The following ARHGEF18 variants were observed in gnomAD, a reference collection of about 807,000 sequenced individuals.
The protein encoded by ARHGEF18 is Rho/Rac guanine nucleotide exchange factor 18, also known as rho guanine nucleotide exchange factor 18.
A neutral mutation model predicts 155.7 loss-of-function variants in ARHGEF18; 93 were observed. The ratio of observed to expected loss-of-function variants is 0.60; its 90% CI spans 0.50 to 0.71. The LOEUF is 0.71. Ranked by LOEUF, ARHGEF18 falls within the 30% of genes least tolerant of loss-of-function variation. The probability of loss-of-function intolerance (pLI) is 0.00; values close to 1 mark genes in which losing one functional copy is unlikely to be tolerated. For synonymous variants in ARHGEF18, 742 were observed against 753.1 expected (o/e 0.99, Z 0.24); for missense variants, 1,593 against 1,816.1 (o/e 0.88, Z 2.23).
At chr19:7,400,841 A>C (rs1389302840) in intron 10 of ARHGEF18, among the ~76,000 whole-genome samples, 5 of 152,040 alleles carry the variant, frequency 3.3e-5, no homozygotes, top group Non-Finnish European at 5.9e-5. Flanking sequence ...TCTCTAAATA[A>C]ATAAATATTT....
At chr19:7,473,017 G>A (rs1361314800), downstream of ARHGEF18, 1 of 456,248 alleles carries the variant, frequency 2.2e-6, no homozygotes, top group South Asian at 1.5e-5. Context: ...TGCCTGTGGA[G>A]GGTCCTGCCC....
chr19:7,440,445 C>T lies in ARHGEF18; in HGVS notation c.1069C>T (p.Pro357Ser). The change falls in exon 11 of 29, where the codon CCA becomes TCA. Residue 357 changes from proline to serine, a missense_variant. Pro to Ser is a moderately conservative substitution (Grantham distance 74). Coordinates refer to ENST00000668164, the MANE Select transcript of ARHGEF18 (RefSeq NM_001367823.1). This position sits in a 1 kb window ranked among gnomAD's most constrained non-coding sequence, Gnocchi z 5.4. ...GGTCTCTCAGAAAGGGGGTCCCCAG[C>T]CAACACCGAGCCCGGCTGGCCCTGG... Reference protein sequence around the residue: ...MTVSQKGGPQPTPSPAGPGTQ... With the variant: ...MTVSQKGGPQSTPSPAGPGTQ... 1 of 1,600,962 alleles carries T rather than the reference C, an allele frequency of 6.2e-7. No individual in the cohort carries two copies. Among genetic ancestry groups the T allele is most frequent in the East Asian group, 2.2e-5 (1 of 44,872 alleles).
chr19:7,452,887 C>G (rs1184839670), intron 16 of ARHGEF18, among the ~76,000 whole-genome samples: 1 of 151,878 alleles, frequency 6.6e-6, no homozygotes, highest in African/African-American at 2.4e-5. Flanking sequence ...TCGATAGATG[C>G]TCTACCTAGG....
intron 1 of ARHGEF18, among the ~76,000 whole-genome samples, chr19:7,362,087 A>C (rs1466430837): frequency 6.2e-5 from 1 of 16,226 alleles, no homozygotes; most frequent in Non-Finnish European, 1.1e-4. Flanking sequence ...GAGAAGGAGA[A>C]GGAGAAGGAG....
At chr19:7,450,866 C>A (rs1441721311) in intron 15 of ARHGEF18, among the ~76,000 whole-genome samples, 293 of 135,898 alleles carry the variant, frequency 2.2e-3, no homozygotes, top group South Asian at 5.6e-3. Context: ...GTCTTGCTGT[C>A]CGTTTCCGAG....
At chr19:7,417,130 G>A (rs1435034706) in intron 10 of ARHGEF18, among the ~76,000 whole-genome samples, 1 of 151,960 alleles carries the variant, frequency 6.6e-6, no homozygotes, top group East Asian at 1.9e-4. Context: ...GGCTGGTCTC[G>A]AACTCCTGAC....
intron 10 of ARHGEF18, among the ~76,000 whole-genome samples, chr19:7,436,725 G>A (rs1286754185): frequency 2.0e-5 from 3 of 152,248 alleles, no homozygotes; most frequent in East Asian, 1.9e-4. Flanking sequence ...CGGGATTTGC[G>A]CCATATTTGT....
chr19:7,370,744 A>C (rs1970165716), intron 2 of ARHGEF18, among the ~76,000 whole-genome samples: 1 of 152,144 alleles, frequency 6.6e-6, no homozygotes, highest in South Asian at 2.1e-4. Flanking sequence ...ATTCAACCTT[A>C]AAAAGGAAGG....
intron 10 of ARHGEF18, among the ~76,000 whole-genome samples, chr19:7,415,028 A>G (rs944759326): frequency 6.6e-6 from 1 of 152,116 alleles, no homozygotes; most frequent in Non-Finnish European, 1.5e-5. Flanking sequence ...ATAAAATAAT[A>G]CTAGTTTGAG....
chr19:7,413,607 T>A (rs1197322805), intron 10 of ARHGEF18, among the ~76,000 whole-genome samples: 1 of 148,270 alleles, frequency 6.7e-6, no homozygotes, highest in Non-Finnish European at 1.5e-5. Context: ...GGCAAAAAAA[T>A]CTTTTTTAAT....
intron 10 of ARHGEF18, chr19:7,439,613 T>G: frequency 2.0e-6 from 2 of 1,005,628 alleles, no homozygotes; most frequent in South Asian, 3.8e-5. Context: ...ATAATCACCA[T>G]ATGGAACAGA....
intron 13 of ARHGEF18, among the ~76,000 whole-genome samples, chr19:7,443,095 C>G (rs1391356895): frequency 1.4e-5 from 2 of 139,658 alleles, no homozygotes; most frequent in Non-Finnish European, 3.0e-5. Flanking sequence ...TGGAGTCTCG[C>G]TCTGTCGCCC....
At chr19:7,364,620 G>T (rs1163899013) in intron 2 of ARHGEF18, among the ~76,000 whole-genome samples, 1 of 152,174 alleles carries the variant, frequency 6.6e-6, no homozygotes, top group Non-Finnish European at 1.5e-5. Flanking sequence ...GAAAGCTTGT[G>T]GTCCCTGGGT....
At chr19:7,364,402 A>AAGGAAGGAAGGAAGGCAGGAAGGC (rs36151895) in intron 2 of ARHGEF18, among the ~76,000 whole-genome samples, 1 of 129,648 alleles carries the variant, frequency 7.7e-6, no homozygotes, top group Non-Finnish European at 1.7e-5. Context: ...GGAAGGAAGG[A>AAGGAAGGAAGGAAGGCAGGAAGGC]AGGCAGGCTG....
At chr19:7,352,850 T>TTTTTA (rs1969192990) in intron 1 of ARHGEF18, among the ~76,000 whole-genome samples, 1 of 128,914 alleles carries the variant, frequency 7.8e-6, no homozygotes, top group Non-Finnish European at 1.6e-5. Context: ...TTTTTTTTTT[T>TTTTTA]TTTTGACATA....
chr19:7,441,937 T>A lies in ARHGEF18; in HGVS notation c.1245T>A (p.Ser415Arg). 1 of 1,613,250 alleles carries A rather than the reference T, an allele frequency of 6.2e-7. No homozygotes were observed. The highest frequency in any genetic ancestry group is 1.7e-5 in the Admixed American group (1 of 59,916). The part of the protein sequence containing the change: ...VEDPYTASLR[S>R]EIESDGHEFE... ...ATCCCTACACCGCCTCGCTGAGGAG[T>A]GAGATTGAGTCAGACGGCCACGAGT... The change falls in exon 13 of 29, where the codon AGT becomes AGA. Residue 415 changes from serine (S) to arginine (R), a missense_variant. Transcript: ENST00000668164.
At chr19:7,384,422 T>C (rs1385621118) in intron 10 of ARHGEF18, among the ~76,000 whole-genome samples, 1 of 152,160 alleles carries the variant, frequency 6.6e-6, no homozygotes, top group Non-Finnish European at 1.5e-5. Context: ...TGAGAGAACA[T>C]CTCCACCCCC....
chr19:7,473,868 A>G (rs1212664435), downstream of ARHGEF18, among the ~76,000 whole-genome samples: 3 of 151,204 alleles, frequency 2.0e-5, no homozygotes, highest in East Asian at 5.8e-4. Flanking sequence ...CTGTAATCCC[A>G]GCTACACAGG....
chr19:7,477,282 G>A (rs11668511), downstream of ARHGEF18: 49,781 of 1,585,024 alleles, frequency 0.031, 892 homozygotes, highest in Non-Finnish European at 0.037. Flanking sequence ...GTGCCCATGA[G>A]GCCCACTAGC....
Sources: allele counts gnomAD v4.1 joint callset (sites outside exome capture counted in the v4.1 genomes callset), GRCh38; gene constraint gnomAD v4.1.1; non-coding constraint Gnocchi (gnomAD v3.1); transcripts MANE v1.5; gene names NCBI Gene and HGNC (gene_info 2026-07-23, HGNC 2026-07-21).